The following ZFAT variants were observed in gnomAD, a reference collection of about 807,000 sequenced individuals.
ZFAT encodes zinc finger protein ZFAT.
In ZFAT, 64 loss-of-function variants were observed where a neutral mutation model predicts 117.7. The observed-to-expected ratio is 0.54, with a 90% CI of 0.44 to 0.67. The LOEUF (loss-of-function observed/expected upper bound fraction) is 0.67. Ranked by LOEUF, ZFAT falls within the 30% of genes least tolerant of loss-of-function variation. The probability of loss-of-function intolerance (pLI) is 0.00; values close to 1 mark genes in which losing one functional copy is unlikely to be tolerated. For synonymous variants in ZFAT, 679 were observed against 615.0 expected (o/e 1.10, Z -1.54); for missense variants, 1,433 against 1,584.5 (o/e 0.90, Z 1.62).
At chr8:134,569,998 G>C (rs1032491947) in intron 10 of ZFAT, among the ~76,000 whole-genome samples, 2 of 152,132 alleles carry the variant, frequency 1.3e-5, no homozygotes, top group African/African-American at 4.8e-5. Context: ...CAGAGCAAAA[G>C]CCAAGAGCTT....
At chr8:134,574,260 A>G (rs1325834666) in intron 10 of ZFAT, among the ~76,000 whole-genome samples, 6 of 151,820 alleles carry the variant, frequency 4.0e-5, no homozygotes, top group Admixed American at 3.9e-4. Flanking sequence ...GTCGCCCTAG[A>G]CCTCTGAAGC....
intron 2 of ZFAT, among the ~76,000 whole-genome samples, chr8:134,647,882 G>A (rs916524111): frequency 1.3e-5 from 2 of 152,042 alleles, no homozygotes; most frequent in South Asian, 2.1e-4. Flanking sequence ...CCACATTTAT[G>A]GATCAGAAGA....
chr8:134,479,680 C>T (rs750789331), intron 15 of ZFAT, among the ~76,000 whole-genome samples: 9 of 152,120 alleles, frequency 5.9e-5, no homozygotes, highest in Non-Finnish European at 1.0e-4. Context: ...GTCAGGGACA[C>T]CCATTCATTT....
intron 11 of ZFAT, among the ~76,000 whole-genome samples, chr8:134,559,797 T>C (rs772188790): frequency 5.3e-5 from 8 of 152,348 alleles, no homozygotes; most frequent in South Asian, 2.1e-4. Context: ...CAACTTATCA[T>C]ACACTCAAAG....
At chr8:134,822,225 A>G in the ZFAT span, among the ~76,000 whole-genome samples, 2 of 152,170 alleles carry the variant, frequency 1.3e-5, no homozygotes, top group Non-Finnish European at 2.9e-5. Flanking sequence ...TATACTGACC[A>G]ATCGTATAAG....
chr8:134,624,981 GC>G (rs1563691638), intron 3 of ZFAT, among the ~76,000 whole-genome samples: 1 of 152,148 alleles, frequency 6.6e-6, no homozygotes, highest in African/African-American at 2.4e-5. Flanking sequence ...TTAATAAAAA[GC>G]CCACAACAGT....
At chr8:134,513,323 G>A (rs554404136) in intron 13 of ZFAT, among the ~76,000 whole-genome samples, 1 of 149,928 alleles carries the variant, frequency 6.7e-6, no homozygotes, top group African/African-American at 2.5e-5. Flanking sequence ...TCAGCCTCCC[G>A]AGTGCCTGGG....
the ZFAT span, chr8:134,800,535 G>GT: frequency 1.9e-6 from 1 of 513,376 alleles, no homozygotes; most frequent in East Asian, 5.6e-5. Context: ...GTCAGCTGAA[G>GT]TAAACATCCA....
intron 3 of ZFAT, among the ~76,000 whole-genome samples, chr8:134,630,361 C>A (rs190010377): frequency 1.2e-4 from 18 of 152,336 alleles, no homozygotes; most frequent in Admixed American, 2.0e-4. Context: ...TTTTCACCTG[C>A]AAATTTTCAA....
the ZFAT span, among the ~76,000 whole-genome samples, chr8:134,782,976 A>AATAT: frequency 1.3e-5 from 2 of 150,540 alleles, no homozygotes; most frequent in African/African-American, 4.9e-5. Context: ...CAAATATGTA[A>AATAT]ATATATATAT....
At chr8:134,588,905 G>A (rs1447284468) in intron 8 of ZFAT, among the ~76,000 whole-genome samples, 1 of 152,206 alleles carries the variant, frequency 6.6e-6, no homozygotes, top group African/African-American at 2.4e-5. Context: ...TAACATGGTG[G>A]TTATGTTGAA....
At chr8:134,556,070 A>G (rs1823592555) in intron 11 of ZFAT, among the ~76,000 whole-genome samples, 1 of 109,130 alleles carries the variant, frequency 9.2e-6, no homozygotes, top group Non-Finnish European at 1.8e-5. Flanking sequence ...GAAGGAAGGA[A>G]GGAAGGGAAG....
intron 2 of ZFAT, among the ~76,000 whole-genome samples, chr8:134,638,724 T>A (rs574001945): frequency 6.2e-5 from 9 of 145,324 alleles, no homozygotes; most frequent in Non-Finnish European, 1.2e-4. Flanking sequence ...CGAGACTCCA[T>A]CTCAAATAAA....
At chr8:134,511,252 G>T (rs1008657195) in intron 14 of ZFAT, among the ~76,000 whole-genome samples, 11 of 152,072 alleles carry the variant, frequency 7.2e-5, no homozygotes, top group Non-Finnish European at 1.2e-4. Context: ...AGTGTGTGTG[G>T]GGGGTGTGTG....
chr8:134,617,024 G>C (rs1490621183), intron 3 of ZFAT, among the ~76,000 whole-genome samples: 1 of 152,006 alleles, frequency 6.6e-6, no homozygotes, highest in Non-Finnish European at 1.5e-5. Flanking sequence ...AACATATCTG[G>C]GACACCACCC....
At chr8:134,789,879 C>G in the ZFAT span, among the ~76,000 whole-genome samples, 1 of 152,154 alleles carries the variant, frequency 6.6e-6, no homozygotes, top group Non-Finnish European at 1.5e-5. Context: ...TGGAAATACT[C>G]CAGTATACAC....
At chr8:134,647,598 G>A (rs1484054320) in intron 2 of ZFAT, among the ~76,000 whole-genome samples, 2 of 152,262 alleles carry the variant, frequency 1.3e-5, no homozygotes, top group South Asian at 4.2e-4. Context: ...TCTGTTTGTA[G>A]ATGACATAAT....
the ZFAT span, chr8:134,797,831 A>G: frequency 6.6e-6 from 1 of 151,994 alleles, no homozygotes; most frequent in African/African-American, 2.4e-5. Context: ...ATTAAAATTA[A>G]AAAAATAAAA....
intron 3 of ZFAT, among the ~76,000 whole-genome samples, chr8:134,625,053 C>T (rs1356051990): frequency 6.6e-6 from 1 of 152,224 alleles, no homozygotes; most frequent in African/African-American, 2.4e-5. Context: ...ATTCACTCCA[C>T]ACTGCTAATA....
Sources: gnomAD v4.1 joint callset for allele counts (sites outside exome capture counted in the v4.1 genomes callset) on GRCh38, gnomAD v4.1.1 for gene constraint, MANE v1.5 for transcripts, NCBI Gene and HGNC (gene_info 2026-07-23, HGNC 2026-07-21) for gene names.